The following CLVS1 variants were observed in gnomAD, a reference collection of about 807,000 sequenced individuals.
The protein encoded by CLVS1 is clavesin 1.
A neutral mutation model predicts 33.1 loss-of-function variants in CLVS1; 10 were observed. The observed-to-expected ratio is 0.30, with a 90% CI of 0.19 to 0.51. The LOEUF (loss-of-function observed/expected upper bound fraction) is 0.51, where lower values mean the gene tolerates loss of function less well. Among genes scored for constraint, CLVS1 ranks in the 20% least tolerant of loss-of-function variants. CLVS1 has a pLI of 0.97. For missense variants in CLVS1, 343 were observed against 433.4 expected (o/e 0.79, Z 1.85); for synonymous variants, 163 against 166.1 (o/e 0.98, Z 0.14).
intron 3 of CLVS1, among the ~76,000 whole-genome samples, chr8:61,388,507 G>A (rs1257833223): frequency 6.6e-6 from 1 of 151,834 alleles, no homozygotes; most frequent in African/African-American, 2.4e-5. Context: ...CATTGTCTTT[G>A]TGGAACTTAA....
chr8:61,008,321 G>A, the CLVS1 span, among the ~76,000 whole-genome samples: 31 of 152,126 alleles, frequency 2.0e-4, no homozygotes, highest in Admixed American at 5.9e-4. Flanking sequence ...GCTGCCTTCA[G>A]TAGAGATAAA....
the CLVS1 span, among the ~76,000 whole-genome samples, chr8:60,988,447 T>C: frequency 6.6e-6 from 1 of 152,038 alleles, no homozygotes; most frequent in South Asian, 2.1e-4. Context: ...TTAGGACATA[T>C]GACCTGTGAT....
chr8:61,269,194 A>G (rs1448819671), intron 2 of CLVS1, among the ~76,000 whole-genome samples: 2 of 151,078 alleles, frequency 1.3e-5, no homozygotes, highest in Non-Finnish European at 2.9e-5. Flanking sequence ...TGATTTTTGT[A>G]TAAGGTGTAA....
At chr8:61,468,391 C>T (rs1817626523) in intron 5 of CLVS1, among the ~76,000 whole-genome samples, 1 of 152,156 alleles carries the variant, frequency 6.6e-6, no homozygotes, top group Admixed American at 6.5e-5. Context: ...TTGTTTCTCT[C>T]ATTATCATAG....
intron 2 of CLVS1, among the ~76,000 whole-genome samples, chr8:61,220,455 G>A (rs1412321072): frequency 6.6e-6 from 1 of 152,124 alleles, no homozygotes; most frequent in East Asian, 1.9e-4. Context: ...GATTGTTGAA[G>A]ATCAGATAGT....
intron 2 of CLVS1, among the ~76,000 whole-genome samples, chr8:61,262,740 G>A (rs925130224): frequency 1.3e-5 from 2 of 152,152 alleles, no homozygotes; most frequent in African/African-American, 4.8e-5. Context: ...GTTGCAGGCA[G>A]AGTGCACAGT....
At chr8:61,260,548 A>G (rs779280189) in intron 2 of CLVS1, among the ~76,000 whole-genome samples, 1 of 152,184 alleles carries the variant, frequency 6.6e-6, no homozygotes, top group Non-Finnish European at 1.5e-5. Context: ...CCAGGGCTCC[A>G]TCATTTCTTT....
At chr8:61,297,146 A>G (rs913742480) in intron 1 of CLVS1, among the ~76,000 whole-genome samples, 5 of 152,210 alleles carry the variant, frequency 3.3e-5, no homozygotes, top group Non-Finnish European at 7.4e-5. Flanking sequence ...TGGAGAGTAA[A>G]GAGACCAGAA....
At chr8:61,038,231 A>C in the CLVS1 span, among the ~76,000 whole-genome samples, 2 of 152,066 alleles carry the variant, frequency 1.3e-5, no homozygotes, top group African/African-American at 4.8e-5. Flanking sequence ...GAGTGGATAG[A>C]AGCATGAATA....
intron 2 of CLVS1, among the ~76,000 whole-genome samples, chr8:61,155,884 C>T (rs1016622242): frequency 1.1e-4 from 16 of 152,252 alleles, no homozygotes; most frequent in African/African-American, 3.6e-4. Context: ...TTTCTGAGAG[C>T]TCCTCCCTGA....
chr8:61,422,208 G>C (rs1373542852), intron 3 of CLVS1, among the ~76,000 whole-genome samples: 1 of 151,850 alleles, frequency 6.6e-6, no homozygotes, highest in East Asian at 1.9e-4. Context: ...AAGGATCTCT[G>C]AATAGTCTGA....
chr8:61,368,669 C>CTG (rs1234728800), intron 2 of CLVS1, among the ~76,000 whole-genome samples: 1 of 152,164 alleles, frequency 6.6e-6, no homozygotes, highest in East Asian at 1.9e-4. Context: ...GTGAACTGAA[C>CTG]TGAACCAAAA....
chr8:61,281,821 A>G (rs1809676390), intron 2 of CLVS1, among the ~76,000 whole-genome samples: 3 of 152,124 alleles, frequency 2.0e-5, no homozygotes, highest in Non-Finnish European at 4.4e-5. Context: ...ATCATTTTGG[A>G]CACTCCAGCC....
At chr8:61,134,891 G>A (rs908403283) in intron 2 of CLVS1, among the ~76,000 whole-genome samples, 1 of 152,020 alleles carries the variant, frequency 6.6e-6, no homozygotes, top group African/African-American at 2.4e-5. Flanking sequence ...ATCTTTGCTG[G>A]GGGGGTGGGT....
intron 2 of CLVS1, among the ~76,000 whole-genome samples, chr8:61,326,454 T>A (rs1585805856): frequency 6.6e-6 from 1 of 151,960 alleles, no homozygotes; most frequent in South Asian, 2.1e-4. Flanking sequence ...GGCCACAGAG[T>A]TCCAAGAGAG....
At chr8:61,486,151 C>T (rs1480585314) in intron 5 of CLVS1, among the ~76,000 whole-genome samples, 2 of 148,432 alleles carry the variant, frequency 1.3e-5, no homozygotes, top group African/African-American at 2.5e-5. Flanking sequence ...AGTGATGCCT[C>T]CAGTGGGGTC....
chr8:61,372,569 A>G (rs916093804), intron 2 of CLVS1, among the ~76,000 whole-genome samples: 3 of 151,976 alleles, frequency 2.0e-5, no homozygotes, highest in African/African-American at 7.2e-5. Context: ...TACGTTATTC[A>G]TTAATGTCCA....
rs796909464 is a variant in CLVS1, at chr8:61,074,399, TTA to T, written c.-243+17180_-243+17181del. 9.0e-5 allele frequency among the ~76,000 whole-genome samples: 5 copies of T among 55,572 alleles called. 1 individual carries two copies. Among genetic ancestry groups the T allele is most frequent in the Admixed American group, 6.0e-4 (3 of 5,016 alleles). The allele number at this position is 55,572 out of a possible 152,430, so 36.5% of individuals were successfully genotyped here. A position where few individuals can be genotyped will look rare whatever the true frequency, so the allele number is the denominator to read the frequency against. ...ATAAGTATATGTGTATATATATATG[TTA>T]TATATATATAAGTATATGTGTATAT... On this transcript the variant is annotated intron_variant, in intron 1 of 2. Transcript: ENST00000522621.
chr8:61,062,484 A>G (rs1478500552), intron 1 of CLVS1, among the ~76,000 whole-genome samples: 4 of 152,142 alleles, frequency 2.6e-5, no homozygotes, highest in African/African-American at 4.8e-5. Context: ...AGACCACCCT[A>G]CGTTCCTTAA....
Sources: gnomAD v4.1 joint callset for allele counts (sites outside exome capture counted in the v4.1 genomes callset) on GRCh38, gnomAD v4.1.1 for gene constraint, MANE v1.5 for transcripts, NCBI Gene and HGNC (gene_info 2026-07-23, HGNC 2026-07-21) for gene names.